GPATCH8: variants seen among roughly 807,000 people sequenced by gnomAD.
GPATCH8 encodes the protein G-patch domain containing 8.
A neutral mutation model predicts 118.3 loss-of-function variants in GPATCH8; 18 were observed. The observed-to-expected ratio is 0.15, with a 90% CI of 0.11 to 0.23. The LOEUF (loss-of-function observed/expected upper bound fraction) is 0.23. Among genes scored for constraint, GPATCH8 ranks in the 10% least tolerant of loss-of-function variants. The pLI is 1.00. For synonymous variants in GPATCH8, 659 were observed against 684.7 expected (o/e 0.96, Z 0.59); for missense variants, 1,631 against 1,873.8 (o/e 0.87, Z 2.39).
Position 44,399,142 on chromosome 17 carries a change from C to G in GPATCH8, c.2935G>C (p.Ala979Pro), listed in dbSNP as rs727502862. Residue 979 changes from alanine (A) to proline (P), a missense_variant, in exon 8 of 8, where the codon GCC becomes CCC. This residue lies in a region of GPATCH8 where 922 missense variants were observed against 879.7 expected (regional missense o/e 1.05). Transcript: ENST00000591680. ...CTCCGGCTCCGTTGCCAGCTGTGGG[C>G]TGTGGTGCTACGGCTTCTCCGCTTG... ...RSKRRSRSTT[A>P]HSWQRSRSYS... 5.0e-6 allele frequency: 8 copies of G among 1,607,710 alleles called. No homozygotes were observed. In the East Asian group the frequency reaches 1.8e-4, roughly 36 times the overall value.
intron 1 of GPATCH8, among the ~76,000 whole-genome samples, chr17:44,497,633 G>C (rs1017504005): frequency 6.6e-6 from 1 of 150,764 alleles, no homozygotes; most frequent in Non-Finnish European, 1.5e-5. Context: ...AAAAAGTCTT[G>C]ACCACATCAA....
At chr17:44,444,036 T>C (rs1029789749) in intron 3 of GPATCH8, among the ~76,000 whole-genome samples, 1 of 152,170 alleles carries the variant, frequency 6.6e-6, no homozygotes, top group Non-Finnish European at 1.5e-5. Flanking sequence ...CCTAAACGAA[T>C]TTCCATCTGA....
chr17:44,432,553 C>A (rs556377963), intron 5 of GPATCH8, among the ~76,000 whole-genome samples: 1 of 151,970 alleles, frequency 6.6e-6, no homozygotes, highest in Non-Finnish European at 1.5e-5. Context: ...TTTGTACTAA[C>A]GGGACAGGCT....
At chr17:44,456,101 C>A (rs1490018670) in intron 3 of GPATCH8, among the ~76,000 whole-genome samples, 1 of 150,168 alleles carries the variant, frequency 6.7e-6, no homozygotes, top group Admixed American at 6.8e-5. Context: ...TTGATTGAGA[C>A]AGGTCTTGCT....
At chr17:44,453,219 C>T (rs567635915) in intron 3 of GPATCH8, among the ~76,000 whole-genome samples, 1 of 152,222 alleles carries the variant, frequency 6.6e-6, no homozygotes, top group South Asian at 2.1e-4. Flanking sequence ...ATTGGAGGAG[C>T]ATTAAGGCCT....
intron 5 of GPATCH8, among the ~76,000 whole-genome samples, chr17:44,427,237 G>A (rs994904248): frequency 6.6e-6 from 1 of 151,870 alleles, no homozygotes; most frequent in Admixed American, 6.6e-5. Flanking sequence ...CACTATGCCT[G>A]GCTAATTTTT....
intron 3 of GPATCH8, among the ~76,000 whole-genome samples, chr17:44,461,597 A>G (rs2051551255): frequency 6.6e-6 from 1 of 152,194 alleles, no homozygotes; most frequent in Non-Finnish European, 1.5e-5. Context: ...TACTATATAT[A>G]CTTGTTACCA....
chr17:44,483,206 T>TACACAC (rs577817217), intron 1 of GPATCH8, among the ~76,000 whole-genome samples: 1 of 77,484 alleles, frequency 1.3e-5, no homozygotes, highest in African/African-American at 5.0e-5. Flanking sequence ...TATATATATA[T>TACACAC]ATATATATAT....
intron 5 of GPATCH8, 25 bp downstream of exon 5, chr17:44,435,040 C>T (rs768566484): frequency 4.2e-5 from 41 of 976,276 alleles, no homozygotes; most frequent in Non-Finnish European, 6.4e-5. Context: ...TCCCCATCTC[C>T]CAATGAATAG....
intron 3 of GPATCH8, among the ~76,000 whole-genome samples, chr17:44,461,993 C>T (rs907587778): frequency 1.3e-5 from 2 of 152,114 alleles, no homozygotes; most frequent in African/African-American, 2.4e-5. Flanking sequence ...AGCCACAGCA[C>T]CCTGCCTAAA....
intron 2 of GPATCH8, among the ~76,000 whole-genome samples, chr17:44,473,107 A>G (rs1443373048): frequency 6.6e-6 from 1 of 151,764 alleles, no homozygotes; most frequent in Non-Finnish European, 1.5e-5. Context: ...AATCCCCAAA[A>G]TAATTCAGAA....
chr17:44,432,918 T>C (rs2050370799), intron 5 of GPATCH8, among the ~76,000 whole-genome samples: 1 of 152,124 alleles, frequency 6.6e-6, no homozygotes, highest in Non-Finnish European at 1.5e-5. Flanking sequence ...AGGTCACTGC[T>C]GTCTTCAACT....
intron 1 of GPATCH8, among the ~76,000 whole-genome samples, chr17:44,481,542 C>A (rs1020700091): frequency 6.6e-6 from 1 of 152,188 alleles, no homozygotes. Flanking sequence ...CAGTGATTGT[C>A]AGAAGCTATA....
intron 1 of GPATCH8, among the ~76,000 whole-genome samples, chr17:44,496,014 C>A (rs539512833): frequency 6.6e-6 from 1 of 152,088 alleles, no homozygotes; most frequent in African/African-American, 2.4e-5. Flanking sequence ...ACTACAGGAG[C>A]GCACCACCAC....
chr17:44,480,553 T>TAAAATA (rs1247838551), intron 1 of GPATCH8, among the ~76,000 whole-genome samples: 2 of 151,984 alleles, frequency 1.3e-5, no homozygotes, highest in African/African-American at 2.4e-5. Context: ...TCGTCTCTAC[T>TAAAATA]AAAATAAAAA....
chr17:44,490,654 TAA>T (rs35632047), intron 1 of GPATCH8, among the ~76,000 whole-genome samples: 11 of 139,938 alleles, frequency 7.9e-5, no homozygotes, highest in African/African-American at 7.9e-5. Context: ...CTAGCTTTTC[TAA>T]AAAAAAAAAA....
At position 44,398,370 on chromosome 17, in the gene GPATCH8, T is replaced by C. The variant is rs142995489; in HGVS notation, c.3707A>G (p.Asp1236Gly). The change falls in exon 8 of 8, where the codon GAC (aspartate) becomes GGC (glycine). Residue 1236 changes from aspartate to glycine, a missense_variant. Asp to Gly is a moderately conservative substitution (Grantham distance 94). This residue lies in a region of GPATCH8 where 922 missense variants were observed against 879.7 expected (regional missense o/e 1.05). Coordinates refer to ENST00000591680, the MANE Select transcript of GPATCH8 (RefSeq NM_001002909.4). ...GAGGTAGTTATGGGAGATGGTTGGGTCCCCAGGGTAGCAGTCAGAATGTGC... is the reference window on the plus strand; with the variant it reads ...GAGGTAGTTATGGGAGATGGTTGGGCCCCCAGGGTAGCAGTCAGAATGTGC... ...TPAHSDCYPG[D>G]PTISHNYLPD... is the part of the protein sequence containing the mutation. The C allele has an allele frequency of 2.2e-4, 348 of 1,613,992 alleles. 1 individual carries two copies. Among genetic ancestry groups the C allele is most frequent in the Middle Eastern group, 1.8e-3 (11 of 6,062 alleles).
chr17:44,468,003 ATT>A (rs554871308), intron 2 of GPATCH8, among the ~76,000 whole-genome samples: 11 of 142,506 alleles, frequency 7.7e-5, no homozygotes, highest in African/African-American at 1.0e-4. Context: ...TTATTCCAGG[ATT>A]TTTTTTTTTT....
At position 44,398,655 on chromosome 17, in the gene GPATCH8, T is replaced by C. The variant is rs774630151; in HGVS notation, c.3422A>G (p.Asn1141Ser). ...FGPKLPPSLG[N>S]KPVLPLIGKL... The stretch of plus-strand genomic sequence containing the variant: ...CCCTATCAGTGGAAGGACAGGCTTA[T>C]TGCCAAGAGATGGGGGGAGCTTGGG... Residue 1141 changes from asparagine to serine, a missense_variant, in exon 8 of 8, where the codon AAT becomes AGT. Asn to Ser is a conservative substitution (Grantham distance 46). Transcript: ENST00000591680. 9 of 1,561,330 alleles carry C rather than the reference T, an allele frequency of 5.8e-6. No homozygotes were observed. Among genetic ancestry groups the C allele is most frequent in the Admixed American group, 5.6e-5 (3 of 53,888 alleles).
Sources: allele counts gnomAD v4.1 joint callset (sites outside exome capture counted in the v4.1 genomes callset), GRCh38; gene constraint gnomAD v4.1.1; regional missense constraint gnomAD v4.1.1; transcripts MANE v1.5; gene names NCBI Gene and HGNC (gene_info 2026-07-23, HGNC 2026-07-21).